The following FNDC3B variants were observed in gnomAD, a reference collection of about 807,000 sequenced individuals.
FNDC3B encodes the protein fibronectin type III domain-containing protein 3B.
A neutral mutation model predicts 151.5 loss-of-function variants in FNDC3B; 12 were observed. That is an observed-to-expected ratio of 0.08 (90% CI 0.05 to 0.13). The LOEUF (loss-of-function observed/expected upper bound fraction) is 0.13. FNDC3B is among the 10% of genes least tolerant of loss of function. FNDC3B has a pLI of 1.00. For synonymous variants in FNDC3B, 528 were observed against 549.0 expected, an observed-to-expected ratio of 0.96 and a Z score of 0.54; for missense variants, 1,214 against 1,505.3, an observed-to-expected ratio of 0.81 and a Z score of 3.20.
intron 25 of FNDC3B, among the ~76,000 whole-genome samples, chr3:172,391,356 C>G (rs116658170): frequency 0.045 from 6,853 of 152,190 alleles, 239 homozygotes; most frequent in Admixed American, 0.088. Context: ...GGATCTAGCT[C>G]CATGTTAAAG....
intron 24 of FNDC3B, among the ~76,000 whole-genome samples, chr3:172,379,563 C>A (rs577491925): frequency 1.3e-5 from 2 of 152,356 alleles, no homozygotes; most frequent in African/African-American, 4.8e-5. Flanking sequence ...CTTTGGCAGA[C>A]CCTTCTTTAT....
chr3:172,174,756 A>C (rs114586501), intron 3 of FNDC3B, among the ~76,000 whole-genome samples: 1,640 of 152,234 alleles, frequency 0.011, 28 homozygotes, highest in African/African-American at 0.038. Context: ...AATGAAGACA[A>C]ATGGTCTCGG....
At chr3:172,194,318 T>C (rs1379401289) in intron 3 of FNDC3B, among the ~76,000 whole-genome samples, 2 of 152,252 alleles carry the variant, frequency 1.3e-5, no homozygotes, top group African/African-American at 4.8e-5. Context: ...TTCTGCTGTT[T>C]CGTACTCTAG....
At chr3:172,330,352 A>G (rs1732580760) in intron 12 of FNDC3B, 189 bp from the exon 13 acceptor site, 2 of 511,348 alleles carry the variant, frequency 3.9e-6, no homozygotes, top group Admixed American at 3.6e-5. Flanking sequence ...CTAGTAGAAG[A>G]TCATGGGGTG....
In FNDC3B at chr3:172,242,967, G is replaced by A. The variant is rs556910786; in HGVS notation, c.265-4566G>A. ...CTGCTGCTTAGAGATTTCTTCTGCC[G>A]GATACCCTAAATCATCTCTTTCAAG... On this transcript the variant is annotated intron_variant, in intron 4 of 25. Coordinates refer to ENST00000415807, the MANE Select transcript of FNDC3B (RefSeq NM_022763.4). Among the ~76,000 whole-genome samples the A allele has an allele frequency of 7.9e-5, 12 of 152,198 alleles. No homozygotes were observed. The South Asian group carries it at 1.9e-3, about 24-fold the overall frequency.
At chr3:172,174,923 T>TGCCCCCC (rs1560001424) in intron 3 of FNDC3B, among the ~76,000 whole-genome samples, 1 of 25,534 alleles carries the variant, frequency 3.9e-5, no homozygotes, top group Non-Finnish European at 9.0e-5. Flanking sequence ...TTGGAGACCT[T>TGCCCCCC]CCCCCCGCCA....
At chr3:172,235,842 C>G (rs906982092) in intron 4 of FNDC3B, among the ~76,000 whole-genome samples, 1 of 152,054 alleles carries the variant, frequency 6.6e-6, no homozygotes, top group African/African-American at 2.4e-5. Flanking sequence ...TCTGGAAGAC[C>G]CTGTTCTGTG....
intron 1 of FNDC3B, among the ~76,000 whole-genome samples, chr3:172,071,313 G>C (rs1717763586): frequency 6.6e-6 from 1 of 152,116 alleles, no homozygotes; most frequent in African/African-American, 2.4e-5. Flanking sequence ...CATTGAGTTG[G>C]ATATAACTTT....
chr3:172,314,250 A>T (rs1441166579), intron 11 of FNDC3B, among the ~76,000 whole-genome samples: 2 of 152,022 alleles, frequency 1.3e-5, no homozygotes, highest in African/African-American at 2.4e-5. Flanking sequence ...CTTCAAGGAT[A>T]TCTGCTCCAG....
intron 3 of FNDC3B, among the ~76,000 whole-genome samples, chr3:172,212,215 A>T (rs1725765657): frequency 6.6e-6 from 1 of 152,224 alleles, no homozygotes; most frequent in African/African-American, 2.4e-5. Context: ...TTAAATATCC[A>T]TTAATAGGAT....
intron 3 of FNDC3B, among the ~76,000 whole-genome samples, chr3:172,209,287 T>G (rs944529196): frequency 2.0e-5 from 3 of 152,174 alleles, no homozygotes; most frequent in Non-Finnish European, 4.4e-5. Flanking sequence ...TTACAGCCCC[T>G]TTAGCTGCCG....
chr3:172,184,250 A>G (rs1310256982), intron 3 of FNDC3B: 1 of 152,138 alleles, frequency 6.6e-6, no homozygotes, highest in African/African-American at 2.4e-5. Context: ...CTCAGCTCAT[A>G]TTAATGAGCA....
intron 5 of FNDC3B, among the ~76,000 whole-genome samples, chr3:172,250,822 TC>T (rs1281006804): frequency 3.3e-5 from 5 of 152,182 alleles, no homozygotes; most frequent in African/African-American, 1.2e-4. Context: ...TTTTCTTTTT[TC>T]TTTTTCTTTT....
chr3:172,062,250 T>A (rs567202231), intron 1 of FNDC3B, among the ~76,000 whole-genome samples: 1 of 152,154 alleles, frequency 6.6e-6, no homozygotes, highest in Admixed American at 6.5e-5. Context: ...ATTTGCCTCC[T>A]TTCTTCCTGC....
At chr3:172,171,041 T>G (rs1228134163) in intron 3 of FNDC3B, among the ~76,000 whole-genome samples, 1 of 152,224 alleles carries the variant, frequency 6.6e-6, no homozygotes, top group Non-Finnish European at 1.5e-5. Context: ...GAGACCTATA[T>G]ACAAAGGCCT....
chr3:172,175,770 G>C (rs147405119), intron 3 of FNDC3B, among the ~76,000 whole-genome samples: 1 of 152,306 alleles, frequency 6.6e-6, no homozygotes, highest in African/African-American at 2.4e-5. Flanking sequence ...CTTGTACCGC[G>C]TTGGAGAAGT....
intron 1 of FNDC3B, among the ~76,000 whole-genome samples, chr3:172,080,209 T>A (rs1187007100): frequency 6.6e-6 from 1 of 152,180 alleles, no homozygotes; most frequent in Non-Finnish European, 1.5e-5. Flanking sequence ...AGTGTGGTCC[T>A]GCTATTAACC....
intron 3 of FNDC3B, among the ~76,000 whole-genome samples, chr3:172,215,191 A>G (rs547467702): frequency 1.3e-5 from 2 of 152,350 alleles, no homozygotes; most frequent in Non-Finnish European, 2.9e-5. Context: ...ATAAAATAGG[A>G]AATGTGTATT....
intron 3 of FNDC3B, among the ~76,000 whole-genome samples, chr3:172,211,207 T>C (rs553420056): frequency 3.3e-5 from 5 of 152,368 alleles, no homozygotes; most frequent in African/African-American, 1.2e-4. Context: ...GTGAGTACAG[T>C]GCTGATTGGA....
Sources: allele counts gnomAD v4.1 joint callset (sites outside exome capture counted in the v4.1 genomes callset), GRCh38; gene constraint gnomAD v4.1.1; transcripts MANE v1.5; gene names NCBI Gene and HGNC (gene_info 2026-07-23, HGNC 2026-07-21).